INPP5B: variants seen among roughly 807,000 people sequenced by gnomAD.
INPP5B encodes the protein type II inositol 1,4,5-trisphosphate 5-phosphatase.
A neutral mutation model predicts 118.5 loss-of-function variants in INPP5B; 90 were observed. That is an observed-to-expected ratio of 0.76 (90% CI 0.64 to 0.90). The LOEUF (loss-of-function observed/expected upper bound fraction) is 0.90. Among genes scored for constraint, INPP5B ranks in the 40% least tolerant of loss-of-function variants. The pLI, the probability that INPP5B is intolerant of heterozygous loss-of-function variation, is 0.00. For synonymous variants in INPP5B, 385 were observed against 418.9 expected (o/e 0.92, Z 0.99); for missense variants, 984 against 1,125.6 (o/e 0.87, Z 1.80).
At chr1:37,917,339 T>TATATATA (rs1557694463) in intron 7 of INPP5B, among the ~76,000 whole-genome samples, 14 of 120,660 alleles carry the variant, frequency 1.2e-4, no homozygotes, top group African/African-American at 2.7e-4. Context: ...TATATATATA[T>TATATATA]TTGAGAAAGG....
In INPP5B at chr1:37,943,838, C is replaced by G. The variant is rs1646025488; in HGVS notation, c.208G>C (p.Asp70His). ...MAITGDDVSL[D>H]QIVPVSRDFT... is the part of the protein sequence containing the mutation. ...TCCCGCGAGACTGGCACTATCTGGT[C>G]CAGAGAGACATCGTCCCCGGTAATG... Residue 70 changes from aspartate to histidine, a missense_variant, in exon 4 of 24, where the codon GAC becomes CAC. Physicochemically the swap from Asp to His is moderately conservative, Grantham distance 81. Transcript: ENST00000373024. 1 of 1,614,022 alleles carries G rather than the reference C, an allele frequency of 6.2e-7. No individual in the cohort carries two copies. Among genetic ancestry groups the G allele is most frequent in the Non-Finnish European group, 8.5e-7 (1 of 1,180,026 alleles).
intron 7 of INPP5B, among the ~76,000 whole-genome samples, chr1:37,897,766 TAAATAA>T (rs1366778390): frequency 8.6e-5 from 13 of 150,988 alleles, no homozygotes; most frequent in Admixed American, 2.0e-4. Flanking sequence ...AAAATAAAAT[TAAATAA>T]AAATAAAAAT....
intron 7 of INPP5B, among the ~76,000 whole-genome samples, chr1:37,893,824 C>G (rs767291846): frequency 2.6e-5 from 4 of 152,222 alleles, no homozygotes; most frequent in Non-Finnish European, 5.9e-5. Flanking sequence ...ATGCCATGCT[C>G]TAAGCATATT....
chr1:37,862,137 G>C lies in INPP5B; in HGVS notation c.*178C>G. The C allele has an allele frequency of 1.9e-6, 1 of 521,678 alleles. No homozygotes were observed. 32.3% of individuals were successfully genotyped at this position (521,678 alleles called of 1,614,324 possible). A position where few individuals can be genotyped will look rare whatever the true frequency, so the allele number is the denominator to read the frequency against. The stretch of plus-strand genomic sequence containing the variant: ...GGTGGATTTTCTCCCGTGTCTTCAC[G>C]ACTCACAGCGCTGAGTGTGCTAACC... On this transcript the variant is annotated 3_prime_UTR_variant, in exon 24 of 24. Coordinates refer to ENST00000373024, the MANE Select transcript of INPP5B (RefSeq NM_005540.3).
intron 7 of INPP5B, among the ~76,000 whole-genome samples, chr1:37,899,175 G>GCC (rs1644236388): frequency 1.8e-5 from 1 of 56,964 alleles, no homozygotes; most frequent in Admixed American, 1.6e-4. Flanking sequence ...GAGTGAAACT[G>GCC]TCAAAAAAAA....
intron 17 of INPP5B, among the ~76,000 whole-genome samples, 177 bp downstream of exon 17, chr1:37,875,429 C>T (rs1342523361): frequency 2.0e-5 from 3 of 152,122 alleles, no homozygotes; most frequent in African/African-American, 4.8e-5. Flanking sequence ...CCACCACGCC[C>T]GGCTAATTTT....
At chr1:37,868,467 C>T in intron 20 of INPP5B, 34 bp downstream of exon 20, 1 of 1,448,470 alleles carries the variant, frequency 6.9e-7, no homozygotes, top group Non-Finnish European at 9.7e-7. Flanking sequence ...GCAGCCTGGC[C>T]TCAATCAGGT....
At chr1:37,885,868 G>C in intron 12 of INPP5B, 43 bp from the exon 13 acceptor site, 1 of 1,580,670 alleles carries the variant, frequency 6.3e-7, no homozygotes, top group Non-Finnish European at 8.7e-7. Flanking sequence ...AAACTTAATT[G>C]TGTCAGTCAC....
In INPP5B at chr1:37,885,619, G is replaced by A. The variant is rs949114504; in HGVS notation, c.1319+19C>T. 10 of 1,610,706 alleles carry A rather than the reference G, an allele frequency of 6.2e-6. No individual in the cohort carries two copies. Among genetic ancestry groups the A allele is most frequent in the African/African-American group, 2.7e-5 (2 of 74,868 alleles). ...TATGTACTCATGGTGAACCGCATGGGGTGGAAGCCCAGACTCACTCATGGT... is the reference window on the plus strand; with the variant it reads ...TATGTACTCATGGTGAACCGCATGGAGTGGAAGCCCAGACTCACTCATGGT... On this transcript the variant is annotated intron_variant, in intron 13 of 23. Coordinates refer to ENST00000373024, the MANE Select transcript of INPP5B (RefSeq NM_005540.3).
intron 6 of INPP5B, among the ~76,000 whole-genome samples, chr1:37,933,065 A>G (rs1557719166): frequency 6.6e-6 from 1 of 152,168 alleles, no homozygotes; most frequent in Non-Finnish European, 1.5e-5. Flanking sequence ...AGGATGTGCA[A>G]GGACATGATA....
intron 7 of INPP5B, among the ~76,000 whole-genome samples, chr1:37,914,191 A>G (rs1008643025): frequency 6.6e-6 from 1 of 152,184 alleles, no homozygotes; most frequent in African/African-American, 2.4e-5. Context: ...CCCCTTGTTT[A>G]GCATATAATC....
At chr1:37,934,153 C>T (rs1339695857) in intron 6 of INPP5B, among the ~76,000 whole-genome samples, 2 of 151,908 alleles carry the variant, frequency 1.3e-5, no homozygotes, top group East Asian at 1.9e-4. Flanking sequence ...AGTCTGGTCT[C>T]GAACTCCTGA....
intron 13 of INPP5B, chr1:37,883,229 GA>G (rs911509016): frequency 3.0e-6 from 3 of 985,058 alleles, no homozygotes; most frequent in Non-Finnish European, 3.6e-6. Flanking sequence ...TGGGAAGAGG[GA>G]AAAAAAATCA....
Position 37,862,265 on chromosome 1 carries a change from G to T in INPP5B, c.*50C>A, listed in dbSNP as rs755827992. ...TTAAGGCATCTCTTGAGCTGAAACAGGTGGGGCTGGTAATTGGCAGCCTCA... is the reference window on the plus strand; with the variant it reads ...TTAAGGCATCTCTTGAGCTGAAACATGTGGGGCTGGTAATTGGCAGCCTCA... On this transcript the variant is annotated 3_prime_UTR_variant, in exon 24 of 24. Coordinates refer to ENST00000373024, the MANE Select transcript of INPP5B (RefSeq NM_005540.3). 3.0e-6 allele frequency: 2 copies of T among 657,354 alleles called. No individual in the cohort carries two copies. The highest frequency in any genetic ancestry group is 1.9e-5 in the South Asian group (1 of 52,114). 40.7% of individuals were successfully genotyped at this position (657,354 alleles called of 1,614,324 possible). A position where few individuals can be genotyped will look rare whatever the true frequency, so the allele number is the denominator to read the frequency against.
intron 16 of INPP5B, among the ~76,000 whole-genome samples, chr1:37,877,545 G>A (rs1642920080): frequency 6.6e-6 from 1 of 152,112 alleles, no homozygotes; most frequent in South Asian, 2.1e-4. Flanking sequence ...TGTTGTGAGG[G>A]TAATTTAGCA....
rs1570058968 is a variant in INPP5B at position 37,880,824 on chromosome 1, C to T, written c.1432-630G>A. ...CACTACAGCCTCCATCTCCTGGGCT[C>T]AGGCAATCCTCCTGCCTCAGCCTCC... On this transcript the variant is annotated intron_variant, in intron 14 of 23. Transcript: ENST00000373024. Among the ~76,000 whole-genome samples the T allele has an allele frequency of 3.9e-5, 6 of 152,156 alleles. No individual in the cohort carries two copies. The East Asian group carries it at 1.2e-3, about 29-fold the overall frequency.
At chr1:37,896,617 C>T (rs1644092046) in intron 7 of INPP5B, among the ~76,000 whole-genome samples, 2 of 145,954 alleles carry the variant, frequency 1.4e-5, no homozygotes, top group South Asian at 4.4e-4. Context: ...AGCCCCCCGC[C>T]CGGCCAGCCG....
intron 7 of INPP5B, among the ~76,000 whole-genome samples, chr1:37,897,139 G>A (rs1360317781): frequency 8.6e-5 from 13 of 151,206 alleles, no homozygotes; most frequent in African/African-American, 2.4e-4. Flanking sequence ...CCGGCCAGCC[G>A]CCCTGTCCGG....
intron 21 of INPP5B, among the ~76,000 whole-genome samples, chr1:37,866,240 G>C (rs28525112): frequency 0.33 from 50,772 of 152,096 alleles, 9,776 homozygotes; most frequent in Non-Finnish European, 0.43. Flanking sequence ...CTGGGTGATA[G>C]AGATGGACCC....
Sources: gnomAD v4.1 joint callset for allele counts (sites outside exome capture counted in the v4.1 genomes callset) on GRCh38, gnomAD v4.1.1 for gene constraint, MANE v1.5 for transcripts, NCBI Gene and HGNC (gene_info 2026-07-23, HGNC 2026-07-21) for gene names.